The following MYO9A variants were observed in gnomAD, a reference collection of about 807,000 sequenced individuals.
The protein encoded by MYO9A is unconventional myosin-IXa.
Under a neutral mutation model 293.3 loss-of-function variants are expected in MYO9A, and 103 were observed. That is an observed-to-expected ratio of 0.35 (90% CI 0.30 to 0.41). The LOEUF (loss-of-function observed/expected upper bound fraction) is 0.41, where lower values mean the gene tolerates loss of function less well. MYO9A is among the 10% of genes least tolerant of loss of function. MYO9A has a pLI of 1.00. For missense variants in MYO9A, 2,685 were observed against 3,033.0 expected, an observed-to-expected ratio of 0.89 and a Z score of 2.69; for synonymous variants, 1,001 against 1,035.7, an observed-to-expected ratio of 0.97 and a Z score of 0.64.
At chr15:72,032,061 T>C (rs1291700268) in intron 3 of MYO9A, among the ~76,000 whole-genome samples, 1 of 152,048 alleles carries the variant, frequency 6.6e-6, no homozygotes, top group East Asian at 1.9e-4. Context: ...TTTGCGCCAC[T>C]GTGCCCGGCT....
chr15:71,922,073 G>A (rs1169995170), intron 18 of MYO9A, among the ~76,000 whole-genome samples: 1 of 152,128 alleles, frequency 6.6e-6, no homozygotes, highest in Admixed American at 6.6e-5. Context: ...CGCCTCCCAG[G>A]TTCAAGCAAT....
intron 19 of MYO9A, among the ~76,000 whole-genome samples, chr15:71,910,101 C>CGT (rs1436430162): frequency 2.2e-5 from 3 of 137,786 alleles, no homozygotes; most frequent in Non-Finnish European, 3.1e-5. Context: ...TATATATATA[C>CGT]GTATATATAT....
chr15:72,105,502 C>CTTTT (rs35861022), intron 1 of MYO9A, among the ~76,000 whole-genome samples: 48 of 89,266 alleles, frequency 5.4e-4, no homozygotes, highest in South Asian at 1.2e-3. Context: ...GCTGGGAAAG[C>CTTTT]TTTTTTTTTT....
chr15:72,091,717 CT>C (rs58300874), intron 1 of MYO9A, among the ~76,000 whole-genome samples: 121,452 of 133,362 alleles, frequency 0.91, 55,759 homozygotes, highest in East Asian at 0.98. Context: ...TTCTTTTTTT[CT>C]TTTTTTTTTT....
intron 39 of MYO9A, among the ~76,000 whole-genome samples, chr15:71,848,389 A>C (rs185436064): frequency 1.3e-5 from 2 of 152,244 alleles, no homozygotes; most frequent in East Asian, 3.9e-4. Context: ...TCATAGATGG[A>C]ATTCCATTTC....
At chr15:72,011,870 T>C (rs1042300111) in intron 6 of MYO9A, among the ~76,000 whole-genome samples, 1 of 152,222 alleles carries the variant, frequency 6.6e-6, no homozygotes, top group African/African-American at 2.4e-5. Context: ...AATTGTCTTA[T>C]TAACTGCAGA....
In MYO9A at chr15:72,094,237, A is replaced by T. The variant is rs565549206; in HGVS notation, c.-72+23443T>A. Among the ~76,000 whole-genome samples the T allele has an allele frequency of 4.5e-5, 4 of 88,454 alleles. 1 individual carries two copies. Among genetic ancestry groups the T allele is most frequent in the African/African-American group, 1.0e-4 (4 of 38,110 alleles). 58.0% of individuals were successfully genotyped at this position (88,454 alleles called of 152,430 possible). A position where few individuals can be genotyped will look rare whatever the true frequency, so the allele number is the denominator to read the frequency against. On this transcript the variant is annotated intron_variant, in intron 1 of 41. Coordinates refer to ENST00000356056, the MANE Select transcript of MYO9A (RefSeq NM_006901.4). ...AAGAAAGAAGAAAGAGGAAGGAGGA[A>T]GAAGAAAGAAGGAAGAGGAGGAGGA...
At chr15:71,963,559 C>T (rs1464080952) in intron 13 of MYO9A, among the ~76,000 whole-genome samples, 2 of 152,022 alleles carry the variant, frequency 1.3e-5, no homozygotes, top group Non-Finnish European at 2.9e-5. Context: ...AGCAATTGTC[C>T]TGCCTCAGCC....
At chr15:71,978,416 A>C in intron 11 of MYO9A, 124 bp from the exon 12 acceptor site, 1 of 685,882 alleles carries the variant, frequency 1.5e-6, no homozygotes, top group Non-Finnish European at 2.2e-6. Context: ...AATCCACACA[A>C]TGAAAGAATG....
intron 2 of MYO9A, among the ~76,000 whole-genome samples, chr15:72,034,948 A>G (rs1010696108): frequency 1.3e-5 from 2 of 152,210 alleles, no homozygotes; most frequent in African/African-American, 2.4e-5. Context: ...TTTGAGAGGT[A>G]GGCTTGCAAT....
intron 1 of MYO9A, among the ~76,000 whole-genome samples, chr15:72,098,171 A>C (rs1290828149): frequency 6.6e-6 from 1 of 151,806 alleles, no homozygotes; most frequent in Non-Finnish European, 1.5e-5. Flanking sequence ...GTAACTCTGG[A>C]TCACCAGAAT....
chr15:71,928,179 G>A (rs868587647), intron 18 of MYO9A, among the ~76,000 whole-genome samples: 11 of 131,488 alleles, frequency 8.4e-5, no homozygotes, highest in South Asian at 8.1e-4. Context: ...CCGGGTTCAC[G>A]CCATTCTCCT....
At chr15:71,963,038 G>T (rs1488776524) in intron 13 of MYO9A, among the ~76,000 whole-genome samples, 1 of 152,000 alleles carries the variant, frequency 6.6e-6, no homozygotes, top group Non-Finnish European at 1.5e-5. Context: ...AGTTCATATT[G>T]GAAATTCAAG....
intron 39 of MYO9A, among the ~76,000 whole-genome samples, chr15:71,842,698 A>C (rs2055209345): frequency 6.6e-6 from 1 of 151,788 alleles, no homozygotes; most frequent in Non-Finnish European, 1.5e-5. Flanking sequence ...TCTTTACCAA[A>C]AATACAAAAA....
chr15:72,080,677 C>T lies in MYO9A; in HGVS notation c.-71-34043G>A, dbSNP rs949037657. On this transcript the variant is annotated intron_variant, in intron 1 of 41. Coordinates refer to ENST00000356056, the MANE Select transcript of MYO9A (RefSeq NM_006901.4). Reference sequence around the variant, plus strand: ...TTCTTATAAAGGTTAACTCACATCACAGGGGTCTGCCGTACAGATTATTTC... The same window carrying T: ...TTCTTATAAAGGTTAACTCACATCATAGGGGTCTGCCGTACAGATTATTTC... Among the ~76,000 whole-genome samples, 5 of 151,976 alleles carry T rather than the reference C, an allele frequency of 3.3e-5. 1 individual carries two copies. In the South Asian group the frequency reaches 1.0e-3, roughly 32 times the overall value.
intron 31 of MYO9A, among the ~76,000 whole-genome samples, chr15:71,876,413 C>T (rs1316645459): frequency 4.2e-5 from 6 of 144,032 alleles, no homozygotes; most frequent in South Asian, 2.2e-4. Flanking sequence ...TGAGCCACCA[C>T]GCCTGGCTGG....
intron 1 of MYO9A, among the ~76,000 whole-genome samples, chr15:72,053,486 A>G (rs1171728663): frequency 6.6e-6 from 1 of 152,272 alleles, no homozygotes; most frequent in Non-Finnish European, 1.5e-5. Flanking sequence ...GCCATAAAAA[A>G]GAATGAGATA....
chr15:71,990,481 C>T (rs1048123504), intron 11 of MYO9A, among the ~76,000 whole-genome samples: 6 of 151,992 alleles, frequency 3.9e-5, no homozygotes, highest in Admixed American at 2.0e-4. Context: ...TTAGGCTGGG[C>T]GCAGTGGCTC....
intron 32 of MYO9A, among the ~76,000 whole-genome samples, chr15:71,875,290 G>A (rs895445643): frequency 2.6e-5 from 4 of 151,890 alleles, no homozygotes; most frequent in African/African-American, 9.7e-5. Flanking sequence ...TAGGTTGTTT[G>A]CAGTCTTTTG....
Sources: allele counts gnomAD v4.1 joint callset (sites outside exome capture counted in the v4.1 genomes callset), GRCh38; gene constraint gnomAD v4.1.1; transcripts MANE v1.5; gene names NCBI Gene and HGNC (gene_info 2026-07-23, HGNC 2026-07-21).